The following NPIPB11 variants were observed in gnomAD, a reference collection of about 807,000 sequenced individuals.
NPIPB11 encodes the protein nuclear pore complex-interacting protein family member B11.
A neutral mutation model predicts 32.8 loss-of-function variants in NPIPB11; 17 were observed. The observed-to-expected ratio is 0.52, with a 90% CI of 0.35 to 0.78. The LOEUF (loss-of-function observed/expected upper bound fraction) is 0.78. Ranked by LOEUF, NPIPB11 falls within the 30% of genes least tolerant of loss-of-function variation. The probability of loss-of-function intolerance (pLI) is 0.01; values close to 1 mark genes in which losing one functional copy is unlikely to be tolerated. For missense variants in NPIPB11, 537 were observed against 1,000.4 expected, an observed-to-expected ratio of 0.54 and a Z score of 6.25; for synonymous variants, 209 against 398.4, an observed-to-expected ratio of 0.52 and a Z score of 5.66.
Position 29,402,724 on chromosome 16 carries a change from C to CTGTGTGTGTGTG in NPIPB11, c.120+947_120+958dup, listed in dbSNP as rs71214272. 3.1e-3 allele frequency among the ~76,000 whole-genome samples: 375 copies of CTGTGTGTGTGTG among 119,654 alleles called. 5 individuals carry two copies. Among genetic ancestry groups the CTGTGTGTGTGTG allele is most frequent in the South Asian group, 0.027 (80 of 2,960 alleles). The allele number at this position is 119,654 out of a possible 152,430, so 78.5% of individuals were successfully genotyped here. On this transcript the variant is annotated intron_variant, in intron 2 of 7. Transcript: ENST00000524087. ...TCTCTCTCTCTCTCTCTCTCTCTCT[C>CTGTGTGTGTGTG]TGTGTGTGTGTGTGTGTGTGTGTGT...
At chr16:29,383,139 A>G (rs1963532160) in exon 8 of NPIPB11, 2 of 1,591,028 alleles carry the variant, frequency 1.3e-6, no homozygotes, top group East Asian at 2.3e-5. Context: ...GTCTCTTGAG[A>G]TTATCATCCG....
chr16:29,392,101 G>C (rs993966132), intron 3 of NPIPB11, among the ~76,000 whole-genome samples: 3 of 151,652 alleles, frequency 2.0e-5, no homozygotes, highest in Non-Finnish European at 4.4e-5. Flanking sequence ...TCATGTACTA[G>C]GATTTCGAGA....
Position 29,383,290 on chromosome 16 carries a change from G to GC in NPIPB11, c.1641dup (p.Pro548AlafsTer8). On this transcript the variant is annotated frameshift_variant, in exon 8 of 8. Transcript: ENST00000524087. LOFTEE classifies it low-confidence loss of function (END_TRUNC). The stretch of plus-strand genomic sequence containing the variant: ...TTATCATCCGCTGAGGGTGGAAGCG[G>GC]CCCCCGCAGATGCTCGGCAGTTGTC... 6.4e-7 allele frequency: 1 copy of GC among 1,560,596 alleles called. No individual in the cohort carries two copies. Among genetic ancestry groups the GC allele is most frequent in the South Asian group, 1.1e-5 (1 of 88,386 alleles).
At chr16:29,402,570 T>C (rs183290490) in intron 2 of NPIPB11, among the ~76,000 whole-genome samples, 3,787 of 20,440 alleles carry the variant, frequency 0.19, 393 homozygotes, top group Non-Finnish European at 0.2. Context: ...GGCATGATGG[T>C]GCACACACCT....
At chr16:29,401,501 C>A (rs993286986) in intron 2 of NPIPB11, among the ~76,000 whole-genome samples, 3 of 152,066 alleles carry the variant, frequency 2.0e-5, no homozygotes, top group African/African-American at 7.2e-5. Flanking sequence ...GAGGATAAAG[C>A]AAATCTGCGG....
chr16:29,382,368 G>A (rs74678065), exon 8 of NPIPB11: 82 of 500,560 alleles, frequency 1.6e-4, no homozygotes, highest in Admixed American at 2.5e-4. Context: ...GCTGACGCTC[G>A]GAAGGTGTCT....
intron 2 of NPIPB11, among the ~76,000 whole-genome samples, chr16:29,395,931 T>C (rs1298321459): frequency 6.6e-6 from 1 of 151,312 alleles, no homozygotes; most frequent in Non-Finnish European, 1.5e-5. Flanking sequence ...TGAGCCGAGA[T>C]TGCACCACTG....
chr16:29,394,122 C>G, intron 2 of NPIPB11, 46 bp from the exon 3 acceptor site: 1 of 1,580,614 alleles, frequency 6.3e-7, no homozygotes, highest in Non-Finnish European at 8.6e-7. Context: ...ATGACACTGA[C>G]AATATTTCAC....
exon 5 of NPIPB11, chr16:29,390,101 C>T: frequency 1.7e-6 from 2 of 1,184,940 alleles, no homozygotes; most frequent in Admixed American, 2.1e-5. Context: ...AAGGAAGAAA[C>T]TCTTTTCTTT....
upstream of NPIPB11, among the ~76,000 whole-genome samples, chr16:29,406,409 T>C (rs113837958): frequency 7.7e-4 from 117 of 152,378 alleles, no homozygotes; most frequent in African/African-American, 2.4e-3. Flanking sequence ...TTTGCTAAAG[T>C]TATATTTGTA....
At chr16:29,396,319 G>A (rs1396339812) in intron 2 of NPIPB11, among the ~76,000 whole-genome samples, 136 of 150,778 alleles carry the variant, frequency 9.0e-4, no homozygotes, top group African/African-American at 3.1e-3. Context: ...TCAGAAACAT[G>A]GTGTTGAGCA....
intron 2 of NPIPB11, among the ~76,000 whole-genome samples, chr16:29,401,220 G>A (rs1384033280): frequency 1.3e-5 from 2 of 152,068 alleles, no homozygotes; most frequent in Non-Finnish European, 2.9e-5. Context: ...AGACTTGCAG[G>A]AAAAATAGTG....
chr16:29,390,459 C>A (rs867681881), intron 3 of NPIPB11, 111 bp from the exon 4 acceptor site: 8 of 1,543,936 alleles, frequency 5.2e-6, no homozygotes, highest in Non-Finnish European at 6.2e-6. Flanking sequence ...GCAAGACCAG[C>A]CTGGCCAAGA....
At chr16:29,403,010 T>C (rs1489196750) in intron 2 of NPIPB11, among the ~76,000 whole-genome samples, 2 of 151,306 alleles carry the variant, frequency 1.3e-5, no homozygotes, top group Non-Finnish European at 2.9e-5. Flanking sequence ...AATGTATTTA[T>C]TATGAGTCAT....
intron 2 of NPIPB11, among the ~76,000 whole-genome samples, chr16:29,402,788 T>C (rs194457): frequency 0.04 from 5,472 of 138,086 alleles, 163 homozygotes; most frequent in East Asian, 0.24. Flanking sequence ...ATCTCAAAAA[T>C]AAAAGATCAT....
In NPIPB11 at chr16:29,390,365, T is replaced by A. The variant is rs755850922; in HGVS notation, c.250-17A>T. 4 of 1,423,532 alleles carry A rather than the reference T, an allele frequency of 2.8e-6. No individual in the cohort carries two copies. The highest frequency in any genetic ancestry group is 2.0e-6 in the Non-Finnish European group (2 of 1,024,788). 88.2% of individuals were successfully genotyped at this position (1,423,532 alleles called of 1,614,324 possible). A position where few individuals can be genotyped will look rare whatever the true frequency, so the allele number is the denominator to read the frequency against. On this transcript the variant is annotated splice_polypyrimidine_tract_variant and intron_variant, in intron 3 of 7. Transcript: ENST00000524087. Reference sequence around the variant, plus strand: ...GAGAGACACCTAGGAAATAATAATATAAGAATGACGGCTGGGCACGGTGGC... The same window carrying A: ...GAGAGACACCTAGGAAATAATAATAAAAGAATGACGGCTGGGCACGGTGGC...
chr16:29,400,028 G>T (rs1012233260), intron 2 of NPIPB11, among the ~76,000 whole-genome samples: 2 of 151,952 alleles, frequency 1.3e-5, no homozygotes, highest in African/African-American at 4.8e-5. Context: ...AGTGAGCCGA[G>T]ATCGTGCCAT....
intron 2 of NPIPB11, among the ~76,000 whole-genome samples, chr16:29,401,405 T>G (rs4017137): frequency 6.6e-6 from 1 of 152,130 alleles, no homozygotes; most frequent in Non-Finnish European, 1.5e-5. Flanking sequence ...TGATTACATC[T>G]GACCAAACTG....
intron 2 of NPIPB11, among the ~76,000 whole-genome samples, chr16:29,399,460 G>A (rs1417912537): frequency 6.7e-6 from 1 of 149,696 alleles, no homozygotes; most frequent in Admixed American, 6.7e-5. Flanking sequence ...CCAGCACTTT[G>A]GGAGGCCGAG....
Sources: gnomAD v4.1 joint callset for allele counts (sites outside exome capture counted in the v4.1 genomes callset) on GRCh38, gnomAD v4.1.1 for gene constraint, MANE v1.5 for transcripts, NCBI Gene and HGNC (gene_info 2026-07-23, HGNC 2026-07-21) for gene names.